Variants in STK3 observed in about 807,000 individuals in gnomAD.
STK3 encodes the protein serine/threonine kinase 3, also known as serine/threonine-protein kinase 3.
STK3 carries 41 observed loss-of-function variants against 58.0 expected under a neutral mutation model. The ratio of observed to expected loss-of-function variants is 0.71; its 90% confidence interval spans 0.55 to 0.92. The LOEUF (loss-of-function observed/expected upper bound fraction) is 0.92. Among genes scored for constraint, STK3 ranks in the 40% least tolerant of loss-of-function variants. The pLI, the probability that STK3 is intolerant of heterozygous loss-of-function variation, is 0.00. For synonymous variants in STK3, 170 were observed against 191.0 expected (o/e 0.89, Z 0.91); for missense variants, 479 against 602.7 (o/e 0.79, Z 2.15).
intron 8 of STK3, among the ~76,000 whole-genome samples, chr8:98,551,899 G>A (rs1364747142): frequency 1.3e-5 from 2 of 152,022 alleles, no homozygotes; most frequent in Non-Finnish European, 2.9e-5. Context: ...GACCTTTACA[G>A]TTAGAGAGAA....
intron 3 of STK3, among the ~76,000 whole-genome samples, chr8:98,859,727 G>A (rs561156188): frequency 1.3e-5 from 2 of 152,302 alleles, no homozygotes; most frequent in African/African-American, 4.8e-5. Flanking sequence ...ATATCACACA[G>A]CATGACCATG....
At chr8:98,930,952 G>C (rs760074131) in intron 1 of STK3, among the ~76,000 whole-genome samples, 3 of 152,198 alleles carry the variant, frequency 2.0e-5, no homozygotes, top group Non-Finnish European at 4.4e-5. Flanking sequence ...AAGAAGGATG[G>C]AGCTGACCCT....
intron 8 of STK3, among the ~76,000 whole-genome samples, chr8:98,576,137 T>A (rs1019752782): frequency 6.6e-6 from 1 of 152,222 alleles, no homozygotes; most frequent in African/African-American, 2.4e-5. Flanking sequence ...GCTATCCCAG[T>A]ACCATTTGTT....
intron 6 of STK3, chr8:98,597,725 T>C: frequency 2.0e-6 from 2 of 985,380 alleles, no homozygotes; most frequent in Non-Finnish European, 2.4e-6. Flanking sequence ...CTTTATGTGA[T>C]GGTCCCTTTA....
intron 10 of STK3, among the ~76,000 whole-genome samples, chr8:98,464,671 A>G (rs1820327201): frequency 6.6e-6 from 1 of 152,090 alleles, no homozygotes; most frequent in South Asian, 2.1e-4. Flanking sequence ...CATTCTAGTC[A>G]ATCCAAACTA....
chr8:98,864,960 C>T (rs1000858359), intron 3 of STK3, among the ~76,000 whole-genome samples: 4 of 152,162 alleles, frequency 2.6e-5, no homozygotes, highest in African/African-American at 9.7e-5. Flanking sequence ...AGGACATGGG[C>T]CAGAACTTGC....
chr8:98,820,221 C>A, intron 1 of STK3, among the ~76,000 whole-genome samples: 1 of 152,126 alleles, frequency 6.6e-6, no homozygotes, highest in East Asian at 1.9e-4. Flanking sequence ...TTATTTCCCC[C>A]AAACTACCCT....
intron 1 of STK3, chr8:98,782,543 G>A: frequency 3.0e-6 from 1 of 333,098 alleles, no homozygotes; most frequent in Non-Finnish European, 6.0e-6. Flanking sequence ...GACCAAGGAA[G>A]CATGCAAGTA....
At chr8:98,909,487 A>G (rs1312141952) in intron 1 of STK3, among the ~76,000 whole-genome samples, 1 of 152,192 alleles carries the variant, frequency 6.6e-6, no homozygotes, top group Non-Finnish European at 1.5e-5. Context: ...AATCTCCGTA[A>G]TCTTTAACTA....
chr8:98,633,686 T>C, intron 6 of STK3: 2 of 694,672 alleles, frequency 2.9e-6, no homozygotes, highest in Non-Finnish European at 2.7e-6. Context: ...TGTACAAGGT[T>C]AGAGAATACA....
intron 1 of STK3, among the ~76,000 whole-genome samples, chr8:98,808,790 T>G (rs952135322): frequency 6.6e-6 from 1 of 152,162 alleles, no homozygotes; most frequent in African/African-American, 2.4e-5. Flanking sequence ...CTTTCAAACA[T>G]ATTTGAGCTT....
chr8:98,522,205 T>C (rs1003769492), intron 10 of STK3, among the ~76,000 whole-genome samples: 12 of 152,162 alleles, frequency 7.9e-5, no homozygotes, highest in African/African-American at 2.9e-4. Flanking sequence ...AGTAGAAGGC[T>C]ACATGTCAAA....
At chr8:98,893,546 G>GAAAGAAAGAAAA (rs1564087663) in intron 1 of STK3, among the ~76,000 whole-genome samples, 3 of 138,588 alleles carry the variant, frequency 2.2e-5, no homozygotes, top group African/African-American at 8.3e-5. Context: ...GAAAAAGAAA[G>GAAAGAAAGAAAA]AGAAAGAGAA....
chr8:98,607,543 AATCTTTTTAGC>A (rs1201261652), intron 6 of STK3, among the ~76,000 whole-genome samples: 2 of 152,242 alleles, frequency 1.3e-5, no homozygotes, highest in Admixed American at 1.3e-4. Flanking sequence ...CTTTTTAGCA[AATCTTTTTAGC>A]ATCTTTTTAG....
intron 3 of STK3, among the ~76,000 whole-genome samples, chr8:98,761,507 G>A (rs1830613123): frequency 6.6e-6 from 1 of 152,104 alleles, no homozygotes; most frequent in African/African-American, 2.4e-5. Flanking sequence ...CTTTTTAAAA[G>A]TCTTCCTAAT....
At chr8:98,368,044 G>A (rs1024476928), downstream of STK3, among the ~76,000 whole-genome samples, 1 of 145,650 alleles carries the variant, frequency 6.9e-6, no homozygotes, top group Non-Finnish European at 1.5e-5. Context: ...ATGGCCCCAG[G>A]GCACTCTGCA....
chr8:98,534,719 C>G (rs1345553840), intron 9 of STK3, among the ~76,000 whole-genome samples: 2 of 152,164 alleles, frequency 1.3e-5, no homozygotes, highest in Admixed American at 6.5e-5. Flanking sequence ...TTCATCATTA[C>G]AAGACGTATT....
intron 3 of STK3, among the ~76,000 whole-genome samples, chr8:98,758,218 G>A (rs1342577542): frequency 6.6e-5 from 10 of 152,320 alleles, no homozygotes; most frequent in South Asian, 2.1e-4. Flanking sequence ...TTTGCTAAAC[G>A]TATAAAGATG....
intron 7 of STK3, among the ~76,000 whole-genome samples, chr8:98,591,166 C>G (rs893686790): frequency 2.0e-5 from 3 of 152,188 alleles, no homozygotes; most frequent in African/African-American, 7.2e-5. Context: ...ATATGTGGTA[C>G]AATACTCTCT....
Sources: gnomAD v4.1 joint callset for allele counts (sites outside exome capture counted in the v4.1 genomes callset) on GRCh38, gnomAD v4.1.1 for gene constraint, MANE v1.5 for transcripts, NCBI Gene and HGNC (gene_info 2026-07-23, HGNC 2026-07-21) for gene names.